Variants in SLC6A20 observed in about 807,000 individuals in gnomAD.
SLC6A20 encodes sodium- and chloride-dependent transporter XTRP3.
A neutral mutation model predicts 64.3 loss-of-function variants in SLC6A20; 73 were observed. That is an observed-to-expected ratio of 1.14 (90% CI 0.94 to 1.38). SLC6A20 has a LOEUF of 1.38. Among genes scored for constraint, SLC6A20 ranks in the 40% most tolerant of loss-of-function variants. The pLI is 0.00. For synonymous variants in SLC6A20, 347 were observed against 329.6 expected, an observed-to-expected ratio of 1.05 and a Z score of -0.57; for missense variants, 725 against 772.8, an observed-to-expected ratio of 0.94 and a Z score of 0.73.
chr3:45,795,413 T>C (rs1434595943), intron 1 of SLC6A20, among the ~76,000 whole-genome samples: 1 of 152,174 alleles, frequency 6.6e-6, no homozygotes, highest in Non-Finnish European at 1.5e-5. Context: ...ACCAATCCCC[T>C]TTATTTGAGG....
Position 45,756,648 on chromosome 3 carries a change from A to AAGAT in SLC6A20, c.*2326_*2329dup, listed in dbSNP as rs1167852189. On this transcript the variant is annotated 3_prime_UTR_variant, in exon 11 of 11. Transcript: ENST00000358525. ...TCCCAGGTGAGTGTTTGTGTCTTCA[A>AAGAT]AGATATCTGTGCAAATATATCCACA... 2 of 152,228 alleles carry AAGAT rather than the reference A, an allele frequency of 1.3e-5. No individual in the cohort carries two copies. Among genetic ancestry groups the AAGAT allele is most frequent in the African/African-American group, 4.8e-5 (2 of 41,460 alleles). 9.4% of individuals were successfully genotyped at this position (152,228 alleles called of 1,614,324 possible). A position where few individuals can be genotyped will look rare whatever the true frequency, so the allele number is the denominator to read the frequency against.
At chr3:45,776,018 G>T in intron 3 of SLC6A20, 30 bp from the exon 4 acceptor site, 2 of 1,608,318 alleles carry the variant, frequency 1.2e-6, no homozygotes, top group Non-Finnish European at 1.7e-6. Context: ...GTTATCCAGG[G>T]AGGTGAAGGC....
At chr3:45,792,887 G>C (rs527743455) in intron 1 of SLC6A20, among the ~76,000 whole-genome samples, 1 of 152,242 alleles carries the variant, frequency 6.6e-6, no homozygotes, top group South Asian at 2.1e-4. Context: ...CGGGCCTGGG[G>C]CCACAGAAGC....
intron 4 of SLC6A20, among the ~76,000 whole-genome samples, chr3:45,773,255 C>CGTA (rs1699907755): frequency 6.6e-6 from 1 of 152,148 alleles, no homozygotes; most frequent in Non-Finnish European, 1.5e-5. Flanking sequence ...ACAATGTCCC[C>CGTA]ATAATAAACA....
At chr3:45,772,397 G>A (rs964532806) in intron 5 of SLC6A20, 108 bp downstream of exon 5, 12 of 975,894 alleles carry the variant, frequency 1.2e-5, no homozygotes, top group African/African-American at 6.6e-5. Context: ...ATCAGCTTCC[G>A]TAGGTACAGC....
At chr3:45,778,554 G>A (rs1161381569) in intron 3 of SLC6A20, among the ~76,000 whole-genome samples, 1 of 152,126 alleles carries the variant, frequency 6.6e-6, no homozygotes, top group Non-Finnish European at 1.5e-5. Flanking sequence ...CTTTCTTGAG[G>A]CACTTTATTT....
intron 4 of SLC6A20, among the ~76,000 whole-genome samples, chr3:45,773,471 T>C (rs372412759): frequency 2.6e-5 from 4 of 151,938 alleles, no homozygotes; most frequent in East Asian, 3.8e-4. Flanking sequence ...TGGGTGATTC[T>C]AACTGTTACA....
At chr3:45,760,905 CTCCTG>C (rs990147932) in intron 9 of SLC6A20, among the ~76,000 whole-genome samples, 1 of 152,224 alleles carries the variant, frequency 6.6e-6, no homozygotes, top group Non-Finnish European at 1.5e-5. Context: ...CTGGGTTGGC[CTCCTG>C]CCTCCAGCCC....
chr3:45,785,214 A>G (rs1700151220), intron 1 of SLC6A20, among the ~76,000 whole-genome samples: 2 of 152,188 alleles, frequency 1.3e-5, no homozygotes, highest in Non-Finnish European at 2.9e-5. Flanking sequence ...TACAAGGGGC[A>G]TGATTTTGGT....
At chr3:45,776,818 A>G (rs1699976353) in intron 3 of SLC6A20, among the ~76,000 whole-genome samples, 1 of 152,230 alleles carries the variant, frequency 6.6e-6, no homozygotes, top group Non-Finnish European at 1.5e-5. Flanking sequence ...CATCGCTTGC[A>G]TTTGGCGGGG....
intron 3 of SLC6A20, among the ~76,000 whole-genome samples, chr3:45,777,401 GCCA>G (rs1376076123): frequency 6.6e-6 from 1 of 152,204 alleles, no homozygotes; most frequent in East Asian, 1.9e-4. Flanking sequence ...TTCAAAGCTG[GCCA>G]CCAACAGTCC....
intron 7 of SLC6A20, among the ~76,000 whole-genome samples, chr3:45,767,945 CA>C (rs1221755818): frequency 6.6e-6 from 1 of 152,062 alleles, no homozygotes; most frequent in Non-Finnish European, 1.5e-5. Flanking sequence ...AGATAGATGC[CA>C]ATTATAGAAC....
chr3:45,780,243 A>T, intron 2 of SLC6A20, 143 bp from the exon 3 acceptor site: 1 of 661,176 alleles, frequency 1.5e-6, no homozygotes, highest in South Asian at 1.9e-5. Context: ...TGTGGTGAGT[A>T]TTAAGCGAGA....
At chr3:45,779,487 A>G (rs1700032057) in intron 3 of SLC6A20, among the ~76,000 whole-genome samples, 1 of 152,154 alleles carries the variant, frequency 6.6e-6, no homozygotes, top group Admixed American at 6.5e-5. Context: ...ACAGGGTGAC[A>G]ATGGTCCTTC....
intron 9 of SLC6A20, among the ~76,000 whole-genome samples, chr3:45,762,530 A>C (rs560644404): frequency 6.6e-6 from 1 of 152,340 alleles, no homozygotes; most frequent in Non-Finnish European, 1.5e-5. Context: ...CAAATTTTCT[A>C]AGGTCTAAGT....
chr3:45,768,402 G>A (rs1049392450), intron 7 of SLC6A20, among the ~76,000 whole-genome samples: 1 of 152,146 alleles, frequency 6.6e-6, no homozygotes, highest in Admixed American at 6.5e-5. Flanking sequence ...CTTGGCTGTA[G>A]AGCCAAGCTC....
At chr3:45,777,415 T>C (rs1699988907) in intron 3 of SLC6A20, among the ~76,000 whole-genome samples, 1 of 152,236 alleles carries the variant, frequency 6.6e-6, no homozygotes, top group Non-Finnish European at 1.5e-5. Context: ...CCAACAGTCC[T>C]TCCCCTTCCC....
intron 6 of SLC6A20, among the ~76,000 whole-genome samples, chr3:45,770,724 A>G (rs1699848693): frequency 6.6e-6 from 1 of 152,258 alleles, no homozygotes; most frequent in South Asian, 2.1e-4. Flanking sequence ...ACTGATTGAA[A>G]GTAACAAGGG....
chr3:45,793,523 G>A (rs1700293141), intron 1 of SLC6A20, among the ~76,000 whole-genome samples: 1 of 151,722 alleles, frequency 6.6e-6, no homozygotes, highest in Admixed American at 6.6e-5. Flanking sequence ...AGCCAGGGCT[G>A]TACAGAGATG....
Sources: gnomAD v4.1 joint callset for allele counts (sites outside exome capture counted in the v4.1 genomes callset) on GRCh38, gnomAD v4.1.1 for gene constraint, MANE v1.5 for transcripts, NCBI Gene and HGNC (gene_info 2026-07-23, HGNC 2026-07-21) for gene names.